Variants in REDIC1 observed in about 807,000 individuals in gnomAD.
REDIC1 encodes the protein regulator of DNA class I crossover intermediates 1, also known as HEI10 Interacting Protein 1.
chr12:39,719,021 C>T, the REDIC1 span, among the ~76,000 whole-genome samples: 120 of 152,226 alleles, frequency 7.9e-4, no homozygotes, highest in African/African-American at 2.8e-3. Flanking sequence ...TTTAATACAA[C>T]ATAAAAAGGT....
chr12:39,705,638 G>T, the REDIC1 span, among the ~76,000 whole-genome samples: 1 of 152,008 alleles, frequency 6.6e-6, no homozygotes, highest in Non-Finnish European at 1.5e-5. Context: ...TTATCCCTGG[G>T]ATACAAGAAT....
chr12:39,786,073 A>G, the REDIC1 span, among the ~76,000 whole-genome samples: 1 of 152,166 alleles, frequency 6.6e-6, no homozygotes, highest in Admixed American at 6.5e-5. Flanking sequence ...ACTGTTGGGA[A>G]GGCATGATTA....
At chr12:39,800,183 G>T in the REDIC1 span, among the ~76,000 whole-genome samples, 13 of 152,294 alleles carry the variant, frequency 8.5e-5, no homozygotes, top group African/African-American at 2.6e-4. Context: ...CATTTTTGCA[G>T]AAAGGTAATT....
At chr12:39,864,896 A>AT in the REDIC1 span, 51 of 1,601,516 alleles carry the variant, frequency 3.2e-5, no homozygotes, top group South Asian at 5.0e-4. Flanking sequence ...AAAAAAAAAA[A>AT]GTTTTATATT....
At chr12:39,633,572 C>G in the REDIC1 span, among the ~76,000 whole-genome samples, 1 of 152,244 alleles carries the variant, frequency 6.6e-6, no homozygotes, top group East Asian at 1.9e-4. Context: ...TCATCATTAT[C>G]AAGTATTATG....
the REDIC1 span, among the ~76,000 whole-genome samples, chr12:39,715,596 C>T: frequency 7.9e-5 from 12 of 151,820 alleles, no homozygotes; most frequent in South Asian, 4.1e-4. Flanking sequence ...TGTATGGAAC[C>T]GAAAAAGAGC....
chr12:39,665,543 C>G, the REDIC1 span, among the ~76,000 whole-genome samples: 1 of 149,748 alleles, frequency 6.7e-6, no homozygotes, highest in African/African-American at 2.5e-5. Flanking sequence ...TTAGGATTGA[C>G]TTGGCGATGC....
At chr12:39,689,571 C>T in the REDIC1 span, among the ~76,000 whole-genome samples, 2 of 152,002 alleles carry the variant, frequency 1.3e-5, no homozygotes, top group African/African-American at 2.4e-5. Context: ...ATATGATTCT[C>T]GAGAGAAAGT....
At chr12:39,752,665 CA>C in the REDIC1 span, among the ~76,000 whole-genome samples, 16 of 152,186 alleles carry the variant, frequency 1.1e-4, no homozygotes, top group Admixed American at 9.8e-4. Context: ...AGCTGAAAAT[CA>C]CAAGAAAAGA....
chr12:39,883,637 G>T, the REDIC1 span, among the ~76,000 whole-genome samples: 1 of 152,114 alleles, frequency 6.6e-6, no homozygotes, highest in Non-Finnish European at 1.5e-5. Context: ...TCTCAAAACG[G>T]TATTAAGACT....
chr12:39,660,781 A>G, the REDIC1 span, among the ~76,000 whole-genome samples: 2 of 152,084 alleles, frequency 1.3e-5, no homozygotes, highest in Non-Finnish European at 2.9e-5. Flanking sequence ...GTTTGTACCC[A>G]TTAAACCTCC....
chr12:39,687,342 A>T, the REDIC1 span, among the ~76,000 whole-genome samples: 1 of 152,224 alleles, frequency 6.6e-6, no homozygotes, highest in South Asian at 2.1e-4. Flanking sequence ...TAATTGGCTC[A>T]CGGTTTCACA....
At chr12:39,877,067 C>T in the REDIC1 span, among the ~76,000 whole-genome samples, 1 of 152,080 alleles carries the variant, frequency 6.6e-6, no homozygotes, top group Non-Finnish European at 1.5e-5. Flanking sequence ...AATGCCATTA[C>T]ATTAAAAGAG....
At chr12:39,741,355 G>A in the REDIC1 span, among the ~76,000 whole-genome samples, 1 of 152,054 alleles carries the variant, frequency 6.6e-6, no homozygotes, top group African/African-American at 2.4e-5. Flanking sequence ...CAAGAATATC[G>A]ATAGACTTCA....
At chr12:39,830,872 G>A in the REDIC1 span, among the ~76,000 whole-genome samples, 1 of 152,118 alleles carries the variant, frequency 6.6e-6, no homozygotes, top group Non-Finnish European at 1.5e-5. Flanking sequence ...TAGAAACAAA[G>A]GCTAACCATC....
At chr12:39,867,021 C>T in the REDIC1 span, among the ~76,000 whole-genome samples, 2 of 152,094 alleles carry the variant, frequency 1.3e-5, no homozygotes, top group Non-Finnish European at 2.9e-5. Flanking sequence ...TAGTTTGAGC[C>T]ATTACTTTTC....
chr12:39,760,867 A>G, the REDIC1 span, among the ~76,000 whole-genome samples: 1 of 150,302 alleles, frequency 6.7e-6, no homozygotes, highest in Non-Finnish European at 1.5e-5. Flanking sequence ...TGACTTGTTT[A>G]TATTCTCTAC....
At chr12:39,667,982 C>T in the REDIC1 span, among the ~76,000 whole-genome samples, 3 of 152,130 alleles carry the variant, frequency 2.0e-5, no homozygotes, top group Non-Finnish European at 4.4e-5. Context: ...GATGGGTCTC[C>T]TGAATACAGC....
At chr12:39,679,185 G>A in the REDIC1 span, among the ~76,000 whole-genome samples, 2 of 151,956 alleles carry the variant, frequency 1.3e-5, no homozygotes, top group Admixed American at 6.6e-5. Context: ...GGAAATAAAG[G>A]GCATCCAAAT....
Sources: gnomAD v4.1 joint callset for allele counts (sites outside exome capture counted in the v4.1 genomes callset) on GRCh38, gnomAD v4.1.1 for gene constraint, MANE v1.5 for transcripts, NCBI Gene and HGNC (gene_info 2026-07-23, HGNC 2026-07-21) for gene names.